The following CNOT9 variants were observed in gnomAD, a reference collection of about 807,000 sequenced individuals.
CNOT9 encodes the protein RCD1 required for cell differentiation1 homolog.
CNOT9 carries 8 observed loss-of-function variants against 37.4 expected under a neutral mutation model. That is an observed-to-expected ratio of 0.21 (90% CI 0.13 to 0.39). The LOEUF is 0.39. Among genes scored for constraint, CNOT9 ranks in the 10% least tolerant of loss-of-function variants. The pLI is 1.00. For missense variants in CNOT9, 154 were observed against 365.3 expected (o/e 0.42, Z 4.71); for synonymous variants, 120 against 137.6 (o/e 0.87, Z 0.90).
Position 218,592,578 on chromosome 2 carries a change from GT to G in CNOT9, c.640-32del. The G allele has an allele frequency of 1.2e-6, 2 of 1,601,740 alleles. No homozygotes were observed. The highest frequency in any genetic ancestry group is 1.7e-6 in the Non-Finnish European group (2 of 1,168,660). On this transcript the variant is annotated intron_variant, in intron 6 of 7. Transcript: ENST00000273064. The surrounding 1 kb of genome is among the most constrained non-coding windows in gnomAD (Gnocchi z 4.1). Reference sequence around the variant, plus strand: ...ATTAGAATTTGTTTGTGTTTTGTGTGTTTTTTCCAACCCCTCCCCTTATTTT... The same window carrying G: ...ATTAGAATTTGTTTGTGTTTTGTGTGTTTTTCCAACCCCTCCCCTTATTTT...
At position 218,594,189 on chromosome 2, in the gene CNOT9, C is replaced by G. The variant is rs749872760; in HGVS notation, c.813C>G (p.Thr271=). ...CCCAGGTGCTAAAAGATGACACCAC[C>G]ACGAAACGCTGGCTTGCACAACTGG... ...TFAQVLKDDT[T]TKRWLAQLVK... is the part of the protein sequence containing the mutation. Residue 271 remains threonine, a synonymous_variant, in exon 8 of 8, where the codon ACC becomes ACG. Coordinates refer to ENST00000273064, the MANE Select transcript of CNOT9 (RefSeq NM_005444.3). The G allele has an allele frequency of 3.5e-5, 57 of 1,614,102 alleles. No homozygotes were observed. The Admixed American group carries it at 6.5e-4, about 18-fold the overall frequency.
At chr2:218,570,410 C>T (rs1200839479) in intron 1 of CNOT9, among the ~76,000 whole-genome samples, 3 of 152,206 alleles carry the variant, frequency 2.0e-5, no homozygotes, top group African/African-American at 4.8e-5. Flanking sequence ...TCTCCATTGT[C>T]AGTTCCAGTG....
At chr2:218,574,597 C>A (rs1189244928) in intron 1 of CNOT9, among the ~76,000 whole-genome samples, 1 of 152,226 alleles carries the variant, frequency 6.6e-6, no homozygotes, top group Non-Finnish European at 1.5e-5. Context: ...CTGCTGTACA[C>A]TGGCTGTGTG....
In CNOT9 at chr2:218,588,733, AT is replaced by A. The variant is rs36028807; in HGVS notation, c.540+1051del. On this transcript the variant is annotated intron_variant, in intron 5 of 7. Transcript: ENST00000273064. ...AGGCACACACCACCACTCCTGGCTA[AT>A]TTTTTTTTTTTTGTATTTTTAGTAG... Among the ~76,000 whole-genome samples, 546 of 141,512 alleles carry A rather than the reference AT, an allele frequency of 3.9e-3. 1 individual carries two copies. The highest frequency in any genetic ancestry group is 0.013 in the African/African-American group (478 of 37,790). 92.8% of individuals were successfully genotyped at this position (141,512 alleles called of 152,430 possible).
At chr2:218,577,972 A>T (rs1326005089) in intron 1 of CNOT9, among the ~76,000 whole-genome samples, 2 of 152,186 alleles carry the variant, frequency 1.3e-5, no homozygotes, top group Admixed American at 6.5e-5. Flanking sequence ...GTCTAAGGTG[A>T]TGTAATATTC....
At chr2:218,574,428 C>A (rs1694099656) in intron 1 of CNOT9, among the ~76,000 whole-genome samples, 1 of 152,184 alleles carries the variant, frequency 6.6e-6, no homozygotes, top group South Asian at 2.1e-4. Flanking sequence ...CCAAATCCAG[C>A]TGTTAATGAG....
intron 4 of CNOT9, among the ~76,000 whole-genome samples, chr2:218,586,762 T>C (rs1694610219): frequency 6.6e-6 from 1 of 152,178 alleles, no homozygotes; most frequent in Non-Finnish European, 1.5e-5. Context: ...AGTGCTGTGA[T>C]TACAGGTGTG....
intron 7 of CNOT9, 48 bp from the exon 8 acceptor site, chr2:218,594,060 G>A (rs1694860040): frequency 6.3e-7 from 1 of 1,583,334 alleles, no homozygotes; most frequent in Admixed American, 1.7e-5. Flanking sequence ...CACAAAATGT[G>A]GGTTTATTTG....
intron 1 of CNOT9, among the ~76,000 whole-genome samples, chr2:218,579,944 G>T (rs1033343318): frequency 1.3e-5 from 2 of 149,212 alleles, no homozygotes; most frequent in Middle Eastern, 3.6e-3. Context: ...TCAGCCTCCT[G>T]AGTAGCTGGG....
In CNOT9 at chr2:218,568,922, C is replaced by A. The variant is rs767881491; in HGVS notation, c.-33C>A. 2.5e-6 allele frequency: 4 copies of A among 1,603,736 alleles called. No individual in the cohort carries two copies. Among genetic ancestry groups the A allele is most frequent in the Non-Finnish European group, 2.6e-6 (3 of 1,175,002 alleles). On this transcript the variant is annotated 5_prime_UTR_variant, in exon 1 of 8. Coordinates refer to ENST00000273064, the MANE Select transcript of CNOT9 (RefSeq NM_005444.3). ...AGGGGGGACGCGGGTCGGACGCGTC[C>A]GGCTGTGGAAGAGAGCGGCGGCCGC...
chr2:218,580,932 A>G (rs1694350252), intron 2 of CNOT9, 192 bp downstream of exon 2: 3 of 673,896 alleles, frequency 4.5e-6, no homozygotes, highest in South Asian at 3.0e-5. Context: ...AAGAGATTCA[A>G]TTTAGTCAGT....
chr2:218,592,938 G>T lies in CNOT9; in HGVS notation c.731+231G>T. On this transcript the variant is annotated intron_variant, in intron 7 of 7. Transcript: ENST00000273064. This position sits in a 1 kb window ranked among gnomAD's most constrained non-coding sequence, Gnocchi z 4.1. ...CCATCCTACTGTGAAATTCCAGAGAGTCTAGGCGATTCCAAAGGAAACCTT... is the reference window on the plus strand; with the variant it reads ...CCATCCTACTGTGAAATTCCAGAGATTCTAGGCGATTCCAAAGGAAACCTT... The T allele has an allele frequency of 1.9e-6, 1 of 533,346 alleles. No individual in the cohort carries two copies. The highest frequency in any genetic ancestry group is 2.2e-5 in the South Asian group (1 of 45,594). The allele number at this position is 533,346 out of a possible 1,614,324, so 33.0% of individuals were successfully genotyped here.
chr2:218,588,140 A>G (rs752210112), intron 5 of CNOT9, among the ~76,000 whole-genome samples: 1 of 152,176 alleles, frequency 6.6e-6, no homozygotes, highest in Non-Finnish European at 1.5e-5. Flanking sequence ...CTCCATTGCC[A>G]TAGTCCTTTT....
At chr2:218,575,901 G>A (rs1367361801) in intron 1 of CNOT9, among the ~76,000 whole-genome samples, 5 of 152,142 alleles carry the variant, frequency 3.3e-5, no homozygotes, top group Non-Finnish European at 5.9e-5. Context: ...AAATGTATTA[G>A]TAAATTAAAA....
rs1382728496 is a variant in CNOT9, at chr2:218,568,972, G to C, written c.18G>C (p.Thr6=). 1 of 1,611,246 alleles carries C rather than the reference G, an allele frequency of 6.2e-7. No individual in the cohort carries two copies. Among genetic ancestry groups the C allele is most frequent in the East Asian group, 2.2e-5 (1 of 44,510 alleles). MHSLA[T]AAPVPTTLAQ... is the part of the protein sequence containing the mutation. ...CTCACAACATGCACAGCCTGGCGACGGCTGCGGTGAGTGGCTGGGCCCCCA... is the reference window on the plus strand; with the variant it reads ...CTCACAACATGCACAGCCTGGCGACCGCTGCGGTGAGTGGCTGGGCCCCCA... Residue 6 remains threonine, a synonymous_variant, in exon 1 of 8, where the codon ACG becomes ACC. Coordinates refer to ENST00000273064, the MANE Select transcript of CNOT9 (RefSeq NM_005444.3).
At chr2:218,572,572 A>G (rs751111538) in intron 1 of CNOT9, 108 of 484,540 alleles carry the variant, frequency 2.2e-4, no homozygotes, top group Non-Finnish European at 2.7e-4. Context: ...TCCAGGCTGC[A>G]GTGAGCCATG....
intron 1 of CNOT9, among the ~76,000 whole-genome samples, chr2:218,569,456 A>T (rs927057797): frequency 6.6e-6 from 1 of 152,168 alleles, no homozygotes; most frequent in Admixed American, 6.5e-5. Context: ...TTTGCATCTG[A>T]CTTAGGTTCT....
rs370433911 is a variant in CNOT9 at position 218,584,618 on chromosome 2, G to A, written c.327G>A (p.Ala109=). The change falls in exon 4 of 8, where the codon GCG becomes GCA. Residue 109 remains alanine, a synonymous_variant. Transcript: ENST00000273064. The stretch of plus-strand genomic sequence containing the variant: ...AATTATTGTTTTCTTCCAGGTCAGC[G>A]TTTCTCGCAGCACACATCCCACTTT... The part of the protein sequence containing the change: ...CVASHPETRS[A]FLAAHIPLFL... 46 of 1,612,238 alleles carry A rather than the reference G, an allele frequency of 2.9e-5. No individual in the cohort carries two copies. Among genetic ancestry groups the A allele is most frequent in the East Asian group, 1.6e-4 (7 of 44,880 alleles).
chr2:218,580,792 A>G (rs2106086264), intron 2 of CNOT9, 52 bp downstream of exon 2: 15 of 1,502,144 alleles, frequency 1.0e-5, no homozygotes, highest in Non-Finnish European at 1.4e-5. Context: ...ACACTTGTAT[A>G]TTTCTTTACC....
Sources: gnomAD v4.1 joint callset for allele counts (sites outside exome capture counted in the v4.1 genomes callset) on GRCh38, gnomAD v4.1.1 for gene constraint, Gnocchi (gnomAD v3.1) non-coding constraint, MANE v1.5 for transcripts, NCBI Gene and HGNC (gene_info 2026-07-23, HGNC 2026-07-21) for gene names.